Variants in MAPRE2 observed in about 807,000 individuals in gnomAD.
The protein encoded by MAPRE2 is microtubule associated protein RP/EB family member 2, also known as microtubule-associated protein RP/EB family member 2.
Under a neutral mutation model 43.2 loss-of-function variants are expected in MAPRE2, and 13 were observed. That is an observed-to-expected ratio of 0.30 (90% CI 0.20 to 0.48). MAPRE2 has a LOEUF of 0.48. Ranked by LOEUF, MAPRE2 falls within the 20% of genes least tolerant of loss-of-function variation. MAPRE2 has a pLI of 0.99. For missense variants in MAPRE2, 161 were observed against 400.2 expected (o/e 0.40, Z 5.10); for synonymous variants, 135 against 148.8 (o/e 0.91, Z 0.68).
chr18:35,022,548 A>G (rs1483450209), intron 2 of MAPRE2, among the ~76,000 whole-genome samples: 1 of 152,198 alleles, frequency 6.6e-6, no homozygotes, highest in Non-Finnish European at 1.5e-5. Context: ...TTTGACTTTG[A>G]TGTTTTCATT....
At chr18:34,978,246 A>G in intron 1 of MAPRE2, 2 of 545,086 alleles carry the variant, frequency 3.7e-6, no homozygotes, top group South Asian at 4.8e-5. Flanking sequence ...AAAATAGTGT[A>G]GACCCGCTAG....
intron 2 of MAPRE2, among the ~76,000 whole-genome samples, chr18:35,005,936 G>A (rs1323353661): frequency 6.6e-6 from 1 of 152,116 alleles, no homozygotes; most frequent in Non-Finnish European, 1.5e-5. Context: ...CACTCTGTTG[G>A]CTTTGAGAGG....
intron 2 of MAPRE2, among the ~76,000 whole-genome samples, chr18:35,008,859 T>C (rs1380074268): frequency 6.6e-6 from 1 of 152,196 alleles, no homozygotes; most frequent in East Asian, 1.9e-4. Context: ...GGTACTAGTT[T>C]CACCATAACA....
intron 1 of MAPRE2, among the ~76,000 whole-genome samples, chr18:35,059,592 G>A (rs879009857): frequency 6.6e-6 from 1 of 152,228 alleles, no homozygotes; most frequent in Non-Finnish European, 1.5e-5. Context: ...GGCAAGAGGA[G>A]TGGACAGATG....
intron 1 of MAPRE2, among the ~76,000 whole-genome samples, chr18:34,985,311 T>TTATTTTATATATATAATATAA (rs1568961544): frequency 1.0e-4 from 4 of 39,554 alleles, no homozygotes; most frequent in Non-Finnish European, 1.6e-4. Flanking sequence ...ATTGTATATA[T>TTATTTTATATATATAATATAA]TATATTATAT....
intron 2 of MAPRE2, among the ~76,000 whole-genome samples, chr18:35,006,685 T>C (rs533841098): frequency 6.6e-6 from 1 of 152,356 alleles, no homozygotes; most frequent in South Asian, 2.1e-4. Flanking sequence ...TGTTTTCTCC[T>C]GTTGCTCTAG....
Position 35,071,124 on chromosome 18 carries a change from G to A in MAPRE2, c.250+802G>A, listed in dbSNP as rs145894995. On this transcript the variant is annotated intron_variant, in intron 2 of 6. Coordinates refer to ENST00000300249, the MANE Select transcript of MAPRE2 (RefSeq NM_014268.4). ...TGAATGCCTGTAGTTGCCTCTACTT[G>A]GTATGAGGTAGGTCTGCAAGGAATA... 3.5e-4 allele frequency among the ~76,000 whole-genome samples: 53 copies of A among 152,244 alleles called. No homozygotes were observed. In the East Asian group the frequency reaches 0.01, roughly 29 times the overall value.
At chr18:35,045,600 T>TGTGTGCGTGTTTTTTTGTGCAC (rs1491252672) in intron 1 of MAPRE2, among the ~76,000 whole-genome samples, 1 of 152,180 alleles carries the variant, frequency 6.6e-6, no homozygotes, top group African/African-American at 2.4e-5. Context: ...ATATTGTGCA[T>TGTGTGCGTGTTTTTTTGTGCAC]GTGTGTGTGT....
intron 1 of MAPRE2, chr18:35,005,486 T>C: frequency 6.6e-7 from 1 of 1,522,028 alleles, no homozygotes; most frequent in Non-Finnish European, 8.9e-7. Context: ...ATTTTTACTA[T>C]CCCAGTGTCC....
At chr18:34,986,958 T>G (rs2150572993) in intron 1 of MAPRE2, among the ~76,000 whole-genome samples, 1 of 152,286 alleles carries the variant, frequency 6.6e-6, no homozygotes. Flanking sequence ...CTAGCTTTCC[T>G]GGTCTGTAAA....
At chr18:34,977,906 A>G (rs1365853571) in intron 1 of MAPRE2, among the ~76,000 whole-genome samples, 1 of 152,108 alleles carries the variant, frequency 6.6e-6, no homozygotes, top group Non-Finnish European at 1.5e-5. Flanking sequence ...TCCCCTCTGA[A>G]CCTGGGGCGC....
At chr18:35,129,763 A>C (rs1910064640) in intron 5 of MAPRE2, among the ~76,000 whole-genome samples, 1 of 152,194 alleles carries the variant, frequency 6.6e-6, no homozygotes, top group South Asian at 2.1e-4. Context: ...CTATGGCCAC[A>C]CTGGGAGGAG....
intron 4 of MAPRE2, among the ~76,000 whole-genome samples, chr18:35,116,493 C>T (rs1477483385): frequency 6.6e-6 from 1 of 152,186 alleles, no homozygotes; most frequent in Non-Finnish European, 1.5e-5. Context: ...CAGGTATCCA[C>T]TGGGGTGGTG....
intron 4 of MAPRE2, among the ~76,000 whole-genome samples, chr18:35,106,462 G>T (rs1908910314): frequency 6.6e-6 from 1 of 151,966 alleles, no homozygotes; most frequent in Non-Finnish European, 1.5e-5. Flanking sequence ...GGAGTAGATT[G>T]TCACCATGAA....
Position 35,143,344 on chromosome 18 carries a change from C to A in MAPRE2, c.*2975C>A, listed in dbSNP as rs374745252. ...ATGAAAAAGTCTTATTCAGATGTAT[C>A]ACATTCATTTTACATTACCCACCTA... is the stretch of plus-strand genomic sequence containing the variant. On this transcript the variant is annotated 3_prime_UTR_variant, in exon 7 of 7. Transcript: ENST00000300249. 1 of 151,950 alleles carries A rather than the reference C, an allele frequency of 6.6e-6. No individual in the cohort carries two copies. Among genetic ancestry groups the A allele is most frequent in the East Asian group, 1.9e-4 (1 of 5,192 alleles). The allele number at this position is 151,950 out of a possible 1,614,324, so 9.4% of individuals were successfully genotyped here. A position where few individuals can be genotyped will look rare whatever the true frequency, so the allele number is the denominator to read the frequency against.
chr18:34,992,366 A>G (rs976267512), intron 1 of MAPRE2, among the ~76,000 whole-genome samples: 3 of 152,206 alleles, frequency 2.0e-5, no homozygotes, highest in Admixed American at 1.3e-4. Flanking sequence ...CAAGTTGAGC[A>G]CATCATTCTT....
At chr18:35,078,286 T>G (rs2144121681) in intron 2 of MAPRE2, among the ~76,000 whole-genome samples, 1 of 152,286 alleles carries the variant, frequency 6.6e-6, no homozygotes, top group East Asian at 1.9e-4. Flanking sequence ...ATCTAAAACA[T>G]GCATTTTGGA....
chr18:34,985,354 TATATA>T (rs1245637402), intron 1 of MAPRE2, among the ~76,000 whole-genome samples: 1 of 40,596 alleles, frequency 2.5e-5, no homozygotes, highest in Non-Finnish European at 4.0e-5. Context: ...TTATATTATA[TATATA>T]ATATAATATA....
chr18:35,002,842 C>A, intron 1 of MAPRE2, among the ~76,000 whole-genome samples: 1 of 152,052 alleles, frequency 6.6e-6, no homozygotes, highest in East Asian at 1.9e-4. Context: ...ATACTTTCTT[C>A]TAGTTTATAT....
Sources: gnomAD v4.1 joint callset for allele counts (sites outside exome capture counted in the v4.1 genomes callset) on GRCh38, gnomAD v4.1.1 for gene constraint, MANE v1.5 for transcripts, NCBI Gene and HGNC (gene_info 2026-07-23, HGNC 2026-07-21) for gene names.